The following NF1 variants were observed in gnomAD, a reference collection of about 807,000 sequenced individuals.
The protein encoded by NF1 is neurofibromin.
Under a neutral mutation model 325.7 loss-of-function variants are expected in NF1, and 122 were observed. The observed-to-expected ratio is 0.37, with a 90% CI of 0.32 to 0.44. The LOEUF is 0.44. Among genes scored for constraint, NF1 ranks in the 20% least tolerant of loss-of-function variants. The pLI is 1.00. For synonymous variants in NF1, 1,091 were observed against 1,186.0 expected, an observed-to-expected ratio of 0.92 and a Z score of 1.65; for missense variants, 2,140 against 3,415.4, an observed-to-expected ratio of 0.63 and a Z score of 9.31.
At chr17:31,255,606 A>G (rs1385156606) in intron 31 of NF1, among the ~76,000 whole-genome samples, 5 of 152,160 alleles carry the variant, frequency 3.3e-5, no homozygotes, top group Non-Finnish European at 7.4e-5. Flanking sequence ...GACATGAATT[A>G]TTTTTAAAGA....
chr17:31,295,483 C>T (rs1448081226), intron 36 of NF1: 1 of 1,614,040 alleles, frequency 6.2e-7, no homozygotes, highest in Non-Finnish European at 8.5e-7. Flanking sequence ...CCACTGTCTG[C>T]ATCCCACTTA....
At position 31,337,809 on chromosome 17, in the gene NF1, C is replaced by G. The variant is rs1597844527; in HGVS notation, c.6643-10C>G. Reference sequence around the variant, plus strand: ...TGTACAATATGTATTCAGAGTATCCCCTTTTTTAGGCATGCATGAGAGATA... The same window carrying G: ...TGTACAATATGTATTCAGAGTATCCGCTTTTTTAGGCATGCATGAGAGATA... On this transcript the variant is annotated splice_polypyrimidine_tract_variant and intron_variant, in intron 43 of 57. Transcript: ENST00000358273. 2 of 1,613,186 alleles carry G rather than the reference C, an allele frequency of 1.2e-6. No homozygotes were observed. Among genetic ancestry groups the G allele is most frequent in the Non-Finnish European group, 1.7e-6 (2 of 1,179,444 alleles).
chr17:31,217,208 A>G (rs780628516), intron 13 of NF1, among the ~76,000 whole-genome samples: 7 of 152,202 alleles, frequency 4.6e-5, no homozygotes, highest in Non-Finnish European at 7.3e-5. Flanking sequence ...GTTTTGAATT[A>G]CAGATATATT....
chr17:31,176,804 G>A (rs922291842), intron 5 of NF1, among the ~76,000 whole-genome samples: 10 of 152,166 alleles, frequency 6.6e-5, no homozygotes, highest in African/African-American at 2.2e-4. Context: ...GTTTGTCAAA[G>A]ATCAGATGGT....
At chr17:31,176,231 G>T (rs2066021207) in intron 5 of NF1, among the ~76,000 whole-genome samples, 1 of 152,134 alleles carries the variant, frequency 6.6e-6, no homozygotes, top group African/African-American at 2.4e-5. Context: ...GGCGTGAGAT[G>T]GTATCTCATT....
At chr17:31,357,433 G>A in intron 54 of NF1, 64 bp downstream of exon 54, 2 of 1,297,678 alleles carry the variant, frequency 1.5e-6, no homozygotes, top group South Asian at 2.4e-5. Context: ...TGCTTACCCA[G>A]TAATGTGCAC....
chr17:31,295,922 T>C, intron 36 of NF1: 1 of 1,614,080 alleles, frequency 6.2e-7, no homozygotes, highest in South Asian at 1.1e-5. Context: ...GAGGACAACC[T>C]TTTCCAGCAT....
chr17:31,373,497 C>A (rs938265635), intron 57 of NF1, among the ~76,000 whole-genome samples: 1 of 152,166 alleles, frequency 6.6e-6, no homozygotes, highest in Non-Finnish European at 1.5e-5. Flanking sequence ...GCTATGATAG[C>A]AAACTTTGCA....
chr17:31,329,385 GCATGTCATCCC>G (rs1402185805), intron 38 of NF1, among the ~76,000 whole-genome samples: 59 of 152,266 alleles, frequency 3.9e-4, no homozygotes, highest in African/African-American at 1.3e-3. Flanking sequence ...TTTTGCTGAA[GCATGTCATCCC>G]AGAGAAAAAG....
At chr17:31,200,159 C>T (rs2143870138) in intron 8 of NF1, among the ~76,000 whole-genome samples, 1 of 150,686 alleles carries the variant, frequency 6.6e-6, no homozygotes, top group South Asian at 2.1e-4. Context: ...AAAAGAAGTT[C>T]AGAAAACAGC....
intron 29 of NF1, among the ~76,000 whole-genome samples, chr17:31,242,624 C>G (rs1169121997): frequency 6.6e-6 from 1 of 152,174 alleles, no homozygotes; most frequent in Non-Finnish European, 1.5e-5. Context: ...TCCAGAATTT[C>G]TCTCTGGTTC....
At position 31,336,699 on chromosome 17, in the gene NF1, A is replaced by G. The variant is rs1597842800; in HGVS notation, c.6212A>G (p.Gln2071Arg). 1 of 1,614,012 alleles carries G rather than the reference A, an allele frequency of 6.2e-7. No homozygotes were observed. Among genetic ancestry groups the G allele is most frequent in the Non-Finnish European group, 8.5e-7 (1 of 1,180,016 alleles). ...TCLSPTPTLE[Q>R]HLMWDDIAIL... ...TTATCTCCAACTCCTACTTTAGAAC[A>G]ACATCTTATGTGGGATGATATTGCT... Residue 2071 changes from glutamine to arginine, a missense_variant, in exon 42 of 58, where the codon CAA becomes CGA. Around this residue, in one of 10 missense-constraint regions of NF1, gnomAD observed 180 missense variants for 435.1 expected, o/e 0.41. Transcript: ENST00000358273. This position sits in a 1 kb window ranked among gnomAD's most constrained non-coding sequence, Gnocchi z 5.5.
chr17:31,337,933 C>T (rs1392854264), intron 44 of NF1, 53 bp downstream of exon 44: 1 of 1,550,826 alleles, frequency 6.4e-7, no homozygotes, highest in Non-Finnish European at 8.9e-7. Flanking sequence ...GTTGAAAATA[C>T]AGCTATTACT....
chr17:31,159,546 C>G (rs1187324830), intron 3 of NF1, among the ~76,000 whole-genome samples: 2 of 151,946 alleles, frequency 1.3e-5, no homozygotes, highest in African/African-American at 4.8e-5. Context: ...TAGATGTTAC[C>G]TTGAGAACAC....
intron 36 of NF1, among the ~76,000 whole-genome samples, chr17:31,271,571 G>A (rs2067897483): frequency 6.6e-6 from 1 of 152,030 alleles, no homozygotes; most frequent in Admixed American, 6.6e-5. Context: ...GGCCAACATG[G>A]TGAAACCCCT....
intron 2 of NF1, among the ~76,000 whole-genome samples, chr17:31,158,049 A>G (rs903095965): frequency 2.0e-5 from 3 of 152,082 alleles, no homozygotes; most frequent in Admixed American, 6.5e-5. Context: ...CTATAAAGCT[A>G]TATTTCTGTA....
Position 31,252,941 on chromosome 17 carries a change from A to C in NF1, c.4114A>C (p.Thr1372Pro). 6.2e-7 allele frequency: 1 copy of C among 1,613,618 alleles called. No homozygotes were observed. The highest frequency in any genetic ancestry group is 8.5e-7 in the Non-Finnish European group (1 of 1,179,746). ...TGTGCTCATCTCTGTTCTGTAGGCA[A>C]CTTGCCACTCCCTACTGAATAAAGC... ...RSVCHCLYQA[T>P]CHSLLNKATV... Residue 1372 changes from threonine (T) to proline (P), a missense_variant, in exon 31 of 58, where the codon ACT (threonine) becomes CCT (proline). Transcript: ENST00000358273.
chr17:31,127,111 C>T (rs1339794301), intron 1 of NF1, among the ~76,000 whole-genome samples: 11 of 151,996 alleles, frequency 7.2e-5, no homozygotes, highest in Admixed American at 6.5e-4. Context: ...AGTATATGCA[C>T]AGGCTCAGTT....
chr17:31,174,643 A>T (rs1030740156), intron 5 of NF1, among the ~76,000 whole-genome samples: 4 of 152,210 alleles, frequency 2.6e-5, no homozygotes, highest in African/African-American at 9.7e-5. Flanking sequence ...TACTGAAAAG[A>T]CCTTGGTTTT....
Sources: allele counts gnomAD v4.1 joint callset (sites outside exome capture counted in the v4.1 genomes callset), GRCh38; gene constraint gnomAD v4.1.1; regional missense constraint gnomAD v4.1.1; non-coding constraint Gnocchi (gnomAD v3.1); transcripts MANE v1.5; gene names NCBI Gene and HGNC (gene_info 2026-07-23, HGNC 2026-07-21).